MRNIP: variants seen among roughly 807,000 people sequenced by gnomAD.
MRNIP encodes the protein MRN complex-interacting protein.
In MRNIP, 30 loss-of-function variants were observed where a neutral mutation model predicts 29.8. The ratio of observed to expected loss-of-function variants is 1.01; its 90% confidence interval spans 0.75 to 1.36. The LOEUF (loss-of-function observed/expected upper bound fraction) is 1.36, where lower values mean the gene tolerates loss of function less well. MRNIP is among the 40% of genes most tolerant of loss of function. The pLI, the probability that MRNIP is intolerant of heterozygous loss-of-function variation, is 0.00. For missense variants in MRNIP, 459 were observed against 423.5 expected (o/e 1.08, Z -0.74); for synonymous variants, 201 against 164.1 (o/e 1.23, Z -1.72).
At chr5:179,845,911 G>C (rs1363240372) in intron 3 of MRNIP, 1 of 152,162 alleles carries the variant, frequency 6.6e-6, no homozygotes, top group East Asian at 1.9e-4. Flanking sequence ...ATGGCTAGGT[G>C]GTGTCCCCTT....
chr5:179,850,996 C>A (rs1331331839), intron 2 of MRNIP: 1 of 321,206 alleles, frequency 3.1e-6, no homozygotes, highest in South Asian at 2.6e-5. Flanking sequence ...CCCTGAGCAA[C>A]CACATCAAGG....
chr5:179,844,061 C>A, intron 4 of MRNIP, 91 bp downstream of exon 4: 1 of 1,055,516 alleles, frequency 9.5e-7, no homozygotes, highest in Non-Finnish European at 1.4e-6. Flanking sequence ...GGCATCAACA[C>A]ACATTTGCTA....
intron 4 of MRNIP, among the ~76,000 whole-genome samples, chr5:179,843,136 G>C (rs1374757511): frequency 6.6e-6 from 1 of 151,842 alleles, no homozygotes; most frequent in East Asian, 1.9e-4. Flanking sequence ...ACATAATAAG[G>C]AATCAATACT....
At position 179,858,761 on chromosome 5, in the gene MRNIP, G is replaced by A. The variant is rs749247744; in HGVS notation, c.36C>T (p.Cys12=). The stretch of plus-strand genomic sequence containing the variant: ...GCGCCTGGAAGAGGCGGCAGCTGCA[G>A]CAGCGTAGCACCCGAGAACGCTGAA... ...ASLQRSRVLR[C]CSCRLFQAHQ... is the part of the protein sequence containing the mutation. The change falls in exon 1 of 7, where the codon TGC becomes TGT. Residue 12 remains cysteine (C), a synonymous_variant. Coordinates refer to ENST00000292586, the MANE Select transcript of MRNIP (RefSeq NM_016175.4). 3.9e-6 allele frequency: 6 copies of A among 1,536,266 alleles called. No individual in the cohort carries two copies. The East Asian group carries it at 1.3e-4, about 32-fold the overall frequency.
intron 2 of MRNIP, 42 bp downstream of exon 2, chr5:179,853,336 G>C: frequency 6.2e-7 from 1 of 1,603,814 alleles, no homozygotes; most frequent in Non-Finnish European, 8.5e-7. Context: ...AGGGCTCGCT[G>C]CAGGCCTGCG....
intron 2 of MRNIP, among the ~76,000 whole-genome samples, chr5:179,848,644 T>C (rs1452707048): frequency 5.9e-5 from 9 of 152,116 alleles, no homozygotes; most frequent in Non-Finnish European, 1.2e-4. Flanking sequence ...AAGTGAGCCA[T>C]ATAACCTATC....
At chr5:179,849,243 GGTA>G in intron 2 of MRNIP, among the ~76,000 whole-genome samples, 1 of 145,780 alleles carries the variant, frequency 6.9e-6, no homozygotes, top group African/African-American at 2.6e-5. Flanking sequence ...ACAGGCAGAT[GGTA>G]CAAGATGGAA....
At chr5:179,844,267 C>G in intron 3 of MRNIP, 40 bp from the exon 4 acceptor site, 1 of 1,560,890 alleles carries the variant, frequency 6.4e-7, no homozygotes, top group South Asian at 1.1e-5. Flanking sequence ...GAAAAATGAC[C>G]AGGGGCTGGG....
rs147904886 is a variant in MRNIP at position 179,843,040 on chromosome 5, A to AGG, written c.292-977_292-976insCC. On this transcript the variant is annotated intron_variant, in intron 4 of 6. Coordinates refer to ENST00000292586, the MANE Select transcript of MRNIP (RefSeq NM_016175.4). The stretch of plus-strand genomic sequence containing the variant: ...CAGCGAGACTCTGTCGAAAGGAGGA[A>AGG]AGAAGGAAGGAAGGAAGGAAGGGAG... 5.0e-3 allele frequency among the ~76,000 whole-genome samples: 476 copies of AGG among 94,636 alleles called. 1 individual carries two copies. The highest frequency in any genetic ancestry group is 9.1e-3 in the Middle Eastern group (2 of 220). 62.1% of individuals were successfully genotyped at this position (94,636 alleles called of 152,430 possible). A position where few individuals can be genotyped will look rare whatever the true frequency, so the allele number is the denominator to read the frequency against.
intron 2 of MRNIP, 129 bp from the exon 3 acceptor site, chr5:179,848,195 T>A: frequency 4.2e-6 from 3 of 710,558 alleles, no homozygotes; most frequent in South Asian, 3.0e-5. Context: ...TAAAGCAGCA[T>A]GCAGGAATCC....
intron 4 of MRNIP, among the ~76,000 whole-genome samples, chr5:179,843,030 G>C (rs1289954784): frequency 2.6e-5 from 2 of 77,102 alleles, no homozygotes; most frequent in Non-Finnish European, 4.3e-5. Context: ...AGACTCTGTC[G>C]AAAGGAGGAA....
intron 2 of MRNIP, 46 bp downstream of exon 2, chr5:179,853,332 C>T (rs760504435): frequency 1.0e-5 from 16 of 1,604,826 alleles, no homozygotes; most frequent in Middle Eastern, 1.6e-4. Context: ...TGGAAGGGCT[C>T]GCTGCAGGCC....
rs773993202 is a variant in MRNIP, at chr5:179,840,871, CCTT to C, written c.535_537del (p.Lys179del). On this transcript the variant is annotated inframe_deletion and splice_region_variant, in exon 6 of 7. Coordinates refer to ENST00000292586, the MANE Select transcript of MRNIP (RefSeq NM_016175.4). ...CCAGAGAGAAACTGTTTGTCACTGA[CCTT>C]CTGGGGTCCCCAGGCGACCTCAGAG... 4.4e-6 allele frequency: 7 copies of C among 1,604,786 alleles called. No individual in the cohort carries two copies. The highest frequency in any genetic ancestry group is 6.0e-6 in the Non-Finnish European group (7 of 1,173,610).
At chr5:179,849,564 C>A in intron 2 of MRNIP, among the ~76,000 whole-genome samples, 1 of 142,964 alleles carries the variant, frequency 7.0e-6, no homozygotes, top group Admixed American at 7.0e-5. Flanking sequence ...GAATTTGTGA[C>A]CATGGGTCCT....
chr5:179,851,658 T>C (rs1759370018), intron 2 of MRNIP, among the ~76,000 whole-genome samples: 1 of 152,128 alleles, frequency 6.6e-6, no homozygotes, highest in Non-Finnish European at 1.5e-5. Flanking sequence ...GCTGAACCCA[T>C]TCTGAAGTGT....
chr5:179,858,744 A>G lies in MRNIP; in HGVS notation c.53T>C (p.Phe18Ser), dbSNP rs755142073. The G allele has an allele frequency of 6.5e-7, 1 of 1,529,746 alleles. No homozygotes were observed. Among genetic ancestry groups the G allele is most frequent in the Non-Finnish European group, 8.8e-7 (1 of 1,137,766 alleles). The allele number at this position is 1,529,746 out of a possible 1,614,324, so 94.8% of individuals were successfully genotyped here. A position where few individuals can be genotyped will look rare whatever the true frequency, so the allele number is the denominator to read the frequency against. Residue 18 changes from phenylalanine to serine, a missense_variant, in exon 1 of 7, where the codon TTC (phenylalanine) becomes TCC (serine). Physicochemically the swap from Phe to Ser is radical, Grantham distance 155 (BLOSUM62 -2). Transcript: ENST00000292586. The part of the protein sequence containing the change: ...RVLRCCSCRL[F>S]QAHQVKKSVK... ...CACCCGCCAGACCTGGTGCGCCTGG[A>G]AGAGGCGGCAGCTGCAGCAGCGTAG... is the stretch of plus-strand genomic sequence containing the variant.
intron 1 of MRNIP, among the ~76,000 whole-genome samples, chr5:179,854,004 G>T (rs1759483734): frequency 1.4e-5 from 2 of 147,814 alleles, no homozygotes; most frequent in Admixed American, 6.8e-5. Context: ...GAGCCACCAT[G>T]CCTGGCCTGA....
chr5:179,853,545 G>A (rs561445817), intron 1 of MRNIP, 108 bp from the exon 2 acceptor site: 94 of 811,364 alleles, frequency 1.2e-4, no homozygotes, highest in African/African-American at 1.2e-3. Context: ...AGGCCGAGGC[G>A]GGCAGATCAC....
intron 2 of MRNIP, among the ~76,000 whole-genome samples, chr5:179,850,142 T>G (rs1759308612): frequency 6.7e-6 from 1 of 148,662 alleles, no homozygotes; most frequent in South Asian, 2.1e-4. Context: ...CACAGGCAGA[T>G]GTTAAGAGCC....
Sources: gnomAD v4.1 joint callset for allele counts (sites outside exome capture counted in the v4.1 genomes callset) on GRCh38, gnomAD v4.1.1 for gene constraint, MANE v1.5 for transcripts, NCBI Gene and HGNC (gene_info 2026-07-23, HGNC 2026-07-21) for gene names.